The following FAM53A variants were observed in gnomAD, a reference collection of about 807,000 sequenced individuals.
The protein encoded by FAM53A is protein FAM53A.
A neutral mutation model predicts 26.6 loss-of-function variants in FAM53A; 28 were observed. The observed-to-expected ratio is 1.05, with a 90% CI of 0.78 to 1.45. FAM53A has a LOEUF of 1.45. FAM53A is among the 40% of genes most tolerant of loss of function. The pLI is 0.00. For synonymous variants in FAM53A, 290 were observed against 253.1 expected (o/e 1.15, Z -1.38); for missense variants, 650 against 575.8 (o/e 1.13, Z -1.32).
chr4:1,577,753 C>T, the FAM53A span, among the ~76,000 whole-genome samples: 1 of 152,188 alleles, frequency 6.6e-6, no homozygotes, highest in African/African-American at 2.4e-5. Flanking sequence ...CTTTTTATGC[C>T]GCTCATCTGC....
chr4:1,675,246 C>T (rs769366989), intron 1 of FAM53A, among the ~76,000 whole-genome samples: 40 of 152,132 alleles, frequency 2.6e-4, no homozygotes, highest in Non-Finnish European at 5.4e-4. Context: ...ACTGTCCCTG[C>T]CACCAACAGG....
the FAM53A span, among the ~76,000 whole-genome samples, chr4:1,601,019 G>A: frequency 3.3e-5 from 5 of 152,070 alleles, no homozygotes; most frequent in African/African-American, 9.7e-5. Flanking sequence ...GCAGGCAGAC[G>A]CCCCCCAGGG....
At chr4:1,644,539 G>A in intron 4 of FAM53A, 1 of 674,074 alleles carries the variant, frequency 1.5e-6, no homozygotes, top group Non-Finnish European at 2.4e-6. Context: ...TGCTGGCCTG[G>A]ACTGCGCCAC....
rs765267471 is a variant in FAM53A at position 1,641,337 on chromosome 4, G to A, written c.1153C>T (p.Arg385Trp). The change falls in exon 5 of 5, where the codon CGG becomes TGG. Residue 385 changes from arginine (R) to tryptophan (W), a missense_variant. Arg to Trp is a moderately radical substitution (Grantham distance 101). Transcript: ENST00000308132. ...DSVGEEGVFP[R>W]ARWELDLEQI... The stretch of plus-strand genomic sequence containing the variant: ...TCCAGGTCCAGCTCCCAGCGGGCCC[G>A]GGGGAAGACGCCCTCCTCCCCGACA... 1.8e-5 allele frequency: 29 copies of A among 1,611,318 alleles called. No individual in the cohort carries two copies. Among genetic ancestry groups the A allele is most frequent in the Middle Eastern group, 3.3e-4 (2 of 6,036 alleles).
chr4:1,610,580 G>C, the FAM53A span, among the ~76,000 whole-genome samples: 2 of 152,136 alleles, frequency 1.3e-5, no homozygotes, highest in African/African-American at 4.8e-5. Context: ...GGGCAGTGGG[G>C]GTGGCCTGGG....
chr4:1,622,949 C>T (rs1031739189), intron 1 of FAM53A, among the ~76,000 whole-genome samples: 9 of 152,238 alleles, frequency 5.9e-5, no homozygotes, highest in Admixed American at 2.0e-4. Flanking sequence ...CTGGGCCTCC[C>T]GCGTGTCCCT....
At chr4:1,601,909 GGGGCCTGGGGAGGT>G in the FAM53A span, among the ~76,000 whole-genome samples, 8 of 44,606 alleles carry the variant, frequency 1.8e-4, 3 homozygotes, top group Middle Eastern at 0.017. Flanking sequence ...CAGCTTGTGT[GGGGCCTGGGGAGGT>G]GGGCCAGGGG....
intron 4 of FAM53A, among the ~76,000 whole-genome samples, chr4:1,643,213 T>C (rs1466686167): frequency 6.6e-6 from 1 of 152,120 alleles, no homozygotes; most frequent in African/African-American, 2.4e-5. Context: ...ACACCTGTAA[T>C]CCCAGCACTT....
Position 1,655,073 on chromosome 4 carries a change from A to ACGGCTGTG in FAM53A, c.786_787insCACAGCCG (p.Cys263HisfsTer31), listed in dbSNP as rs754119674. 14 of 1,601,462 alleles carry ACGGCTGTG rather than the reference A, an allele frequency of 8.7e-6. No homozygotes were observed. Among genetic ancestry groups the ACGGCTGTG allele is most frequent in the Non-Finnish European group, 1.0e-5 (12 of 1,173,922 alleles). On this transcript the variant is annotated frameshift_variant, in exon 4 of 5. Coordinates refer to ENST00000308132, the MANE Select transcript of FAM53A (RefSeq NM_001174070.3). LOFTEE classifies it high-confidence loss of function. ...CGGCTCCTCTTCCCACTGAGCACGC[A>ACGGCTGTG]AGGCTGTGAGCGGCACCGGAGCAGC...
chr4:1,614,359 G>C (rs77324332), downstream of FAM53A, among the ~76,000 whole-genome samples: 2,729 of 129,502 alleles, frequency 0.021, 73 homozygotes, highest in Middle Eastern at 0.043. Context: ...AAGTGAGGGG[G>C]ATGCAGAGAC....
chr4:1,680,024 GAA>G (rs60872364), intron 1 of FAM53A, among the ~76,000 whole-genome samples: 1 of 133,322 alleles, frequency 7.5e-6, no homozygotes, highest in African/African-American at 2.9e-5. Context: ...CTCCGTCTCA[GAA>G]AAAAAAAAAA....
chr4:1,594,482 C>T, the FAM53A span, among the ~76,000 whole-genome samples: 1 of 152,310 alleles, frequency 6.6e-6, no homozygotes, highest in Admixed American at 6.5e-5. Context: ...GTATTACTGT[C>T]ATCATGATTA....
downstream of FAM53A, among the ~76,000 whole-genome samples, chr4:1,637,631 CGG>C (rs1715904777): frequency 6.8e-6 from 1 of 147,774 alleles, no homozygotes; most frequent in Non-Finnish European, 1.5e-5. Flanking sequence ...GGGGGCAGCC[CGG>C]CAGGGGTGGG....
At chr4:1,626,697 C>A (rs956244651) in intron 1 of FAM53A, among the ~76,000 whole-genome samples, 1 of 150,062 alleles carries the variant, frequency 6.7e-6, no homozygotes, top group Non-Finnish European at 1.5e-5. Context: ...CGGGACAGTG[C>A]AGACTCTCAG....
At chr4:1,656,734 C>G (rs562082229) in intron 3 of FAM53A, among the ~76,000 whole-genome samples, 3 of 152,280 alleles carry the variant, frequency 2.0e-5, no homozygotes, top group Admixed American at 6.5e-5. Flanking sequence ...ATGAAAGAAT[C>G]TGGTAAAACA....
At chr4:1,589,356 A>G in the FAM53A span, among the ~76,000 whole-genome samples, 3 of 152,176 alleles carry the variant, frequency 2.0e-5, no homozygotes, top group Non-Finnish European at 2.9e-5. Context: ...TTTTAGAAAC[A>G]TACACTTGGG....
the FAM53A span, among the ~76,000 whole-genome samples, chr4:1,597,864 C>T: frequency 6.6e-6 from 1 of 152,224 alleles, no homozygotes; most frequent in South Asian, 2.1e-4. Flanking sequence ...GATGTGGTGG[C>T]GGGCGCCTGT....
At chr4:1,602,696 G>A in the FAM53A span, among the ~76,000 whole-genome samples, 457 of 152,266 alleles carry the variant, frequency 3.0e-3, 3 homozygotes, top group African/African-American at 0.011. Flanking sequence ...CAGGAGCTGC[G>A]AGGCCAGGCT....
In FAM53A at chr4:1,641,382, C is replaced by T. The variant is rs768684936; in HGVS notation, c.1108G>A (p.Asp370Asn). 2.5e-6 allele frequency: 4 copies of T among 1,610,494 alleles called. No individual in the cohort carries two copies. The highest frequency in any genetic ancestry group is 3.4e-6 in the Non-Finnish European group (4 of 1,178,974). Residue 370 changes from aspartate (D) to asparagine (N), a missense_variant, in exon 5 of 5, where the codon GAC becomes AAC. Physicochemically the swap from Asp to Asn is conservative, Grantham distance 23 (BLOSUM62 1). Transcript: ENST00000308132. ...CCGACACTGTCCCCATCACGGGGGT[C>T]CCCGCTGCTCCTGCGGGAGCCATCA... Reference protein sequence around the residue: ...TSDGSRRSSGDPRDGDSVGEE... With the variant: ...TSDGSRRSSGNPRDGDSVGEE...
Sources: gnomAD v4.1 joint callset for allele counts (sites outside exome capture counted in the v4.1 genomes callset) on GRCh38, gnomAD v4.1.1 for gene constraint, MANE v1.5 for transcripts, NCBI Gene and HGNC (gene_info 2026-07-23, HGNC 2026-07-21) for gene names.